The following ZFX variants were observed in gnomAD, a reference collection of about 807,000 sequenced individuals.
ZFX encodes zinc finger X-chromosomal protein.
For synonymous variants in ZFX, 196 were observed against 226.8 expected, an observed-to-expected ratio of 0.86 and a Z score of 1.22; for missense variants, 362 against 628.3, an observed-to-expected ratio of 0.58 and a Z score of 4.53.
At chrX:24,168,961 G>A (rs1015390147) in intron 3 of ZFX, among the ~76,000 whole-genome samples, 2 of 110,682 alleles carry the variant, frequency 1.8e-5, no homozygotes, top group Non-Finnish European at 3.8e-5. Context: ...ACAAAGGCAT[G>A]GACACCGCCA....
At chrX:24,181,623 T>A (rs1003368498) in intron 5 of ZFX, among the ~76,000 whole-genome samples, 1 of 112,190 alleles carries the variant, frequency 8.9e-6, no homozygotes, top group African/African-American at 3.2e-5. Flanking sequence ...TTCCTTAGAA[T>A]AAATTTGTAG....
At chrX:24,188,745 CA>C (rs1339310341) in intron 5 of ZFX, among the ~76,000 whole-genome samples, 3 of 111,896 alleles carry the variant, frequency 2.7e-5, no homozygotes. Context: ...AGGGCAGGCG[CA>C]AGGTAAGAGC....
chrX:24,205,013 T>C (rs1373809245), intron 5 of ZFX, among the ~76,000 whole-genome samples: 2 of 112,550 alleles, frequency 1.8e-5, no homozygotes, highest in Non-Finnish European at 3.7e-5. Flanking sequence ...TAGAGTCTAA[T>C]GTAGTTGTGA....
chrX:24,210,454 A>T lies in ZFX; in HGVS notation c.1496A>T (p.His499Leu), dbSNP rs1255064273. The T allele has an allele frequency of 1.7e-6, 2 of 1,212,113 alleles. No homozygotes were observed. Residue 499 changes from histidine (H) to leucine (L), a missense_variant, in exon 10 of 10, where the codon CAT (histidine) becomes CTT (leucine). Physicochemically the swap from His to Leu is moderately conservative, Grantham distance 99 (BLOSUM62 -3). Transcript: ENST00000304543. ...GATGAGTGTGGGAAGCATTTCTCTC[A>T]TGCAGGGGCTTTGTTTACTCACAAA... The part of the protein sequence containing the change: ...ECDECGKHFS[H>L]AGALFTHKMV...
intron 5 of ZFX, among the ~76,000 whole-genome samples, chrX:24,180,926 A>G (rs914740803): frequency 1.4e-4 from 16 of 112,062 alleles, no homozygotes; most frequent in African/African-American, 5.2e-4. Flanking sequence ...ATCTTCTTAC[A>G]ACATACTTCT....
chrX:24,211,599 C>G lies in ZFX; in HGVS notation c.*223C>G. The G allele has an allele frequency of 2.5e-6, 1 of 398,070 alleles. No individual in the cohort carries two copies. 32.8% of individuals were successfully genotyped at this position (398,070 alleles called of 1,213,427 possible). ...ATAAATAGGGAAAACTGGCAACATGCTAGTTACTTTTAATAAAGTAATCCC... is the reference window on the plus strand; with the variant it reads ...ATAAATAGGGAAAACTGGCAACATGGTAGTTACTTTTAATAAAGTAATCCC... On this transcript the variant is annotated 3_prime_UTR_variant, in exon 10 of 10. Coordinates refer to ENST00000304543, the MANE Select transcript of ZFX (RefSeq NM_003410.4).
At chrX:24,197,545 G>A (rs1000472986) in intron 5 of ZFX, among the ~76,000 whole-genome samples, 3 of 111,598 alleles carry the variant, frequency 2.7e-5, no homozygotes, top group African/African-American at 9.8e-5. Flanking sequence ...TGGAGAAGGA[G>A]GATAGATATG....
chrX:24,198,654 C>G (rs1937087956), intron 5 of ZFX, among the ~76,000 whole-genome samples: 1 of 111,206 alleles, frequency 9.0e-6, no homozygotes, highest in African/African-American at 3.3e-5. Flanking sequence ...AGGGAAGTTT[C>G]TTTCCCTTAT....
At chrX:24,205,142 T>C (rs959426248) in intron 5 of ZFX, among the ~76,000 whole-genome samples, 3 of 112,278 alleles carry the variant, frequency 2.7e-5, no homozygotes, top group African/African-American at 9.7e-5. Context: ...AGGCTTGTTG[T>C]TGCAGGTATT....
intron 3 of ZFX, among the ~76,000 whole-genome samples, chrX:24,160,235 A>G (rs1933127502): frequency 1.0e-5 from 1 of 98,215 alleles, no homozygotes; most frequent in African/African-American, 3.4e-5. Flanking sequence ...TATAATATAT[A>G]TACTAAAAAC....
At chrX:24,184,955 C>CTAT (rs61158922) in intron 5 of ZFX, among the ~76,000 whole-genome samples, 4 of 109,060 alleles carry the variant, frequency 3.7e-5, no homozygotes, top group Non-Finnish European at 7.6e-5. Context: ...TTTGTCTTCT[C>CTAT]TATTATTATG....
At chrX:24,154,610 A>T (rs1273709539) in intron 3 of ZFX, among the ~76,000 whole-genome samples, 1 of 111,181 alleles carries the variant, frequency 9.0e-6, no homozygotes, top group African/African-American at 3.3e-5. Flanking sequence ...TTTCCTGTAC[A>T]CTATAGGAAT....
intron 8 of ZFX, 37 bp from the exon 9 acceptor site, chrX:24,208,863 A>G (rs1189189226): frequency 8.7e-7 from 1 of 1,151,136 alleles, no homozygotes. Flanking sequence ...AAAATTTATA[A>G]TACTGTATAA....
At chrX:24,180,620 C>G (rs1053295605) in intron 5 of ZFX, among the ~76,000 whole-genome samples, 7 of 111,558 alleles carry the variant, frequency 6.3e-5, no homozygotes, top group Non-Finnish European at 9.4e-5. Context: ...TGAGCTCAGG[C>G]AATCCGCCTG....
rs1178836342 is a variant in ZFX, at chrX:24,179,255, T to C, written c.131T>C (p.Val44Ala). 1 of 1,210,507 alleles carries C rather than the reference T, an allele frequency of 8.3e-7. No homozygotes were observed. Among genetic ancestry groups the C allele is most frequent in the Non-Finnish European group, 1.1e-6 (1 of 895,350 alleles). Residue 44 changes from valine to alanine, a missense_variant, in exon 5 of 10, where the codon GTT (valine) becomes GCT (alanine). Transcript: ENST00000304543. ...CAAGAAACTGTTTTTGTTTCAGATG[T>C]TGTGGATTCAGACATAACTGTGCAT... is the stretch of plus-strand genomic sequence containing the variant. Reference protein sequence around the residue: ...EVQETVFVSDVVDSDITVHNF... With the variant: ...EVQETVFVSDAVDSDITVHNF...
chrX:24,177,079 C>T (rs1407292935), intron 4 of ZFX, among the ~76,000 whole-genome samples: 1 of 110,570 alleles, frequency 9.0e-6, no homozygotes, highest in Non-Finnish European at 1.9e-5. Flanking sequence ...ACCACAGGCA[C>T]GTGCCACCAC....
At chrX:24,192,964 T>A (rs1243256296) in intron 5 of ZFX, among the ~76,000 whole-genome samples, 1 of 111,300 alleles carries the variant, frequency 9.0e-6, no homozygotes, top group Non-Finnish European at 1.9e-5. Flanking sequence ...TTTTCTGGGT[T>A]TTATTTAAGA....
chrX:24,186,378 C>T (rs1314025503), intron 5 of ZFX, among the ~76,000 whole-genome samples: 1 of 110,444 alleles, frequency 9.1e-6, no homozygotes, highest in Non-Finnish European at 1.9e-5. Context: ...TTTTGGGAGG[C>T]TGAGGTGGGA....
In ZFX at chrX:24,212,772, A is replaced by ACTT. The variant is rs1938185545; in HGVS notation, c.*1397_*1399dup. 1 of 112,755 alleles carries ACTT rather than the reference A, an allele frequency of 8.9e-6. No homozygotes were observed. Among genetic ancestry groups the ACTT allele is most frequent in the Admixed American group, 9.4e-5 (1 of 10,634 alleles). 9.3% of individuals were successfully genotyped at this position (112,755 alleles called of 1,213,427 possible). ...CAGTTACAGTTAGCAAACTTTAAAA[A>ACTT]CTTAACACTCAAGTTGGCTTTGATT... On this transcript the variant is annotated 3_prime_UTR_variant, in exon 10 of 10. Coordinates refer to ENST00000304543, the MANE Select transcript of ZFX (RefSeq NM_003410.4).
Sources: gnomAD v4.1 joint callset for allele counts (sites outside exome capture counted in the v4.1 genomes callset) on GRCh38, gnomAD v4.1.1 for gene constraint, MANE v1.5 for transcripts, NCBI Gene and HGNC (gene_info 2026-07-23, HGNC 2026-07-21) for gene names.